The following GGA2 variants were observed in gnomAD, a reference collection of about 807,000 sequenced individuals.
The protein encoded by GGA2 is ADP-ribosylation factor-binding protein GGA2.
A neutral mutation model predicts 79.5 loss-of-function variants in GGA2; 48 were observed. The observed-to-expected ratio is 0.60, with a 90% CI of 0.48 to 0.77. The LOEUF is 0.77. Among genes scored for constraint, GGA2 ranks in the 30% least tolerant of loss-of-function variants. The probability of loss-of-function intolerance (pLI) is 0.00; values close to 1 mark genes in which losing one functional copy is unlikely to be tolerated. For synonymous variants in GGA2, 317 were observed against 302.0 expected, an observed-to-expected ratio of 1.05 and a Z score of -0.51; for missense variants, 770 against 774.0, an observed-to-expected ratio of 0.99 and a Z score of 0.06.
chr16:23,505,774 C>T (rs531860964), intron 1 of GGA2, among the ~76,000 whole-genome samples: 2 of 151,228 alleles, frequency 1.3e-5, no homozygotes, highest in Non-Finnish European at 2.9e-5. Flanking sequence ...AGCCAACAGG[C>T]GGAAGAACAA....
chr16:23,509,771 C>T (rs1478306769), intron 1 of GGA2, among the ~76,000 whole-genome samples: 2 of 149,804 alleles, frequency 1.3e-5, no homozygotes, highest in Non-Finnish European at 3.0e-5. Flanking sequence ...CACACACACA[C>T]ACACGTGTGT....
At chr16:23,505,256 T>TA (rs1964962174) in intron 1 of GGA2, among the ~76,000 whole-genome samples, 1 of 152,150 alleles carries the variant, frequency 6.6e-6, no homozygotes, top group Admixed American at 6.5e-5. Context: ...ACAGATTTAC[T>TA]GAGCACCCAA....
intron 10 of GGA2, 56 bp downstream of exon 10, chr16:23,480,589 T>G: frequency 6.6e-7 from 1 of 1,510,876 alleles, no homozygotes. Context: ...ATTTCTTTTC[T>G]GGGAATTACA....
At chr16:23,476,673 C>G (rs1964579833) in intron 13 of GGA2, among the ~76,000 whole-genome samples, 5 of 152,194 alleles carry the variant, frequency 3.3e-5, no homozygotes, top group Admixed American at 1.3e-4. Flanking sequence ...TAACAAGACA[C>G]AGGAATGTAC....
At chr16:23,485,871 C>T in intron 8 of GGA2, 144 bp downstream of exon 8, 1 of 747,368 alleles carries the variant, frequency 1.3e-6, no homozygotes. Flanking sequence ...AAAGGGAGGA[C>T]AAAGCAGCAC....
chr16:23,501,178 G>C, intron 1 of GGA2: 1 of 445,294 alleles, frequency 2.2e-6, no homozygotes, highest in South Asian at 1.6e-5. Context: ...AGACATTTCT[G>C]TACTCTTTTT....
chr16:23,494,206 TCTCCAGTGAAAAGGATCTGTGTGG>T lies in GGA2; in HGVS notation c.252+73_252+96del, dbSNP rs1964825380. On this transcript the variant is annotated intron_variant, in intron 3 of 16. Coordinates refer to ENST00000309859, the MANE Select transcript of GGA2 (RefSeq NM_015044.4). ...GGTAAACCTCTCAGGGGACCTCCCT[TCTCCAGTGAAAAGGATCTGTGTGG>T]AAGCAAAGCGCCTCTCGGCTCTCTA... 11 of 834,834 alleles carry T rather than the reference TCTCCAGTGAAAAGGATCTGTGTGG, an allele frequency of 1.3e-5. No homozygotes were observed. In the Admixed American group the frequency reaches 1.6e-4, roughly 12 times the overall value. The allele number at this position is 834,834 out of a possible 1,614,324, so 51.7% of individuals were successfully genotyped here.
At chr16:23,504,997 C>T (rs1199898434) in intron 1 of GGA2, among the ~76,000 whole-genome samples, 1 of 152,180 alleles carries the variant, frequency 6.6e-6, no homozygotes, top group Non-Finnish European at 1.5e-5. Context: ...CCACCGGGGT[C>T]ATGACCCTGG....
intron 1 of GGA2, among the ~76,000 whole-genome samples, chr16:23,502,848 C>T (rs1964934516): frequency 6.6e-6 from 1 of 152,214 alleles, no homozygotes; most frequent in Non-Finnish European, 1.5e-5. Context: ...ATCAACTGCC[C>T]CAGAGTCTAC....
chr16:23,475,564 T>C (rs559976041), intron 13 of GGA2, among the ~76,000 whole-genome samples: 2 of 151,630 alleles, frequency 1.3e-5, no homozygotes, highest in Non-Finnish European at 2.9e-5. Context: ...ACAGAAGTAA[T>C]TTACCTCCTA....
intron 6 of GGA2, 115 bp from the exon 7 acceptor site, chr16:23,486,905 C>T: frequency 1.3e-6 from 1 of 749,466 alleles, no homozygotes; most frequent in Non-Finnish European, 2.5e-6. Context: ...TTACATGCAC[C>T]ATCTCACCAA....
chr16:23,511,155 CT>C (rs1567372723), upstream of GGA2, among the ~76,000 whole-genome samples: 1 of 151,586 alleles, frequency 6.6e-6, no homozygotes, highest in Non-Finnish European at 1.5e-5. Flanking sequence ...TTTTATTTTT[CT>C]TTTTTTCTTT....
chr16:23,502,177 A>C (rs910630897), intron 1 of GGA2, among the ~76,000 whole-genome samples: 3 of 152,210 alleles, frequency 2.0e-5, no homozygotes, highest in African/African-American at 7.2e-5. Flanking sequence ...TGGTGGGAAG[A>C]GAGAGTGGCA....
At chr16:23,487,270 G>A (rs1016713657) in intron 6 of GGA2, among the ~76,000 whole-genome samples, 12 of 152,304 alleles carry the variant, frequency 7.9e-5, no homozygotes, top group Admixed American at 2.6e-4. Context: ...GTAAGCCAGC[G>A]TGCCTGGCCT....
Position 23,463,851 on chromosome 16 carries a change from C to T in GGA2, c.*3739G>A, listed in dbSNP as rs564886092. On this transcript the variant is annotated 3_prime_UTR_variant, in exon 17 of 17. Transcript: ENST00000309859. ...GCGTGGCAGCATGCACCTGTAGTCC[C>T]AGCTACTCCAGAGGCTGAAGCCGGA... 3.4e-4 allele frequency: 52 copies of T among 152,372 alleles called. No homozygotes were observed. The highest frequency in any genetic ancestry group is 1.2e-3 in the African/African-American group (50 of 41,584). 9.4% of individuals were successfully genotyped at this position (152,372 alleles called of 1,614,324 possible).
At chr16:23,509,705 C>T (rs571023276) in intron 1 of GGA2, among the ~76,000 whole-genome samples, 4 of 147,586 alleles carry the variant, frequency 2.7e-5, no homozygotes, top group Non-Finnish European at 4.5e-5. Flanking sequence ...ACCAGGGTAA[C>T]ATAATGAGAC....
intron 13 of GGA2, among the ~76,000 whole-genome samples, chr16:23,477,603 C>T (rs1422854054): frequency 2.0e-5 from 3 of 151,904 alleles, no homozygotes; most frequent in East Asian, 1.9e-4. Context: ...AAAAATTAAC[C>T]GGGTGTGGTG....
intron 6 of GGA2, among the ~76,000 whole-genome samples, chr16:23,488,006 G>A (rs1964736566): frequency 6.6e-6 from 1 of 152,150 alleles, no homozygotes; most frequent in African/African-American, 2.4e-5. Context: ...TTATCCCTGG[G>A]TCTTGGCCAC....
chr16:23,486,934 G>A, intron 6 of GGA2, 144 bp from the exon 7 acceptor site: 2 of 671,134 alleles, frequency 3.0e-6, no homozygotes, highest in South Asian at 3.2e-5. Context: ...AGGACACTAC[G>A]ATGCAGGCAC....
Sources: gnomAD v4.1 joint callset for allele counts (sites outside exome capture counted in the v4.1 genomes callset) on GRCh38, gnomAD v4.1.1 for gene constraint, MANE v1.5 for transcripts, NCBI Gene and HGNC (gene_info 2026-07-23, HGNC 2026-07-21) for gene names.